The following CMYA5 variants were observed in gnomAD, a reference collection of about 807,000 sequenced individuals.
CMYA5 encodes the protein cardiomyopathy associated 5.
Under a neutral mutation model 318.9 loss-of-function variants are expected in CMYA5, and 246 were observed. That is an observed-to-expected ratio of 0.77 (90% CI 0.70 to 0.86). The LOEUF (loss-of-function observed/expected upper bound fraction) is 0.86, where lower values mean the gene tolerates loss of function less well. Ranked by LOEUF, CMYA5 falls within the 40% of genes least tolerant of loss-of-function variation. The probability of loss-of-function intolerance (pLI) is 0.00; values close to 1 mark genes in which losing one functional copy is unlikely to be tolerated. For synonymous variants in CMYA5, 1,641 were observed against 1,729.5 expected, an observed-to-expected ratio of 0.95 and a Z score of 1.27; for missense variants, 4,589 against 4,678.2, an observed-to-expected ratio of 0.98 and a Z score of 0.56.
In CMYA5 at chr5:79,731,554, C is replaced by T. The variant is rs766224872; in HGVS notation, c.2789C>T (p.Ser930Leu). Residue 930 changes from serine to leucine, a missense_variant, in exon 2 of 13, where the codon TCA becomes TTA. Physicochemically the swap from Ser to Leu is moderately radical, Grantham distance 145. Transcript: ENST00000446378. ...HRSLNLKGAS[S>L]PMNLSEEDQE... ...TCTCTAAATCTAAAAGGTGCATCCT[C>T]ACCCATGAATTTATCAGAAGAAGAT... The T allele has an allele frequency of 3.7e-5, 59 of 1,608,364 alleles. No individual in the cohort carries two copies. Among genetic ancestry groups the T allele is most frequent in the Non-Finnish European group, 4.9e-5 (58 of 1,177,402 alleles).
In CMYA5 at chr5:79,736,501, C is replaced by T; in HGVS notation, c.7736C>T (p.Ser2579Phe). 1 of 1,612,574 alleles carries T rather than the reference C, an allele frequency of 6.2e-7. No individual in the cohort carries two copies. Among genetic ancestry groups the T allele is most frequent in the Non-Finnish European group, 8.5e-7 (1 of 1,179,228 alleles). ...SRESDISLGH[S>F]LGETQSFSLV... ...GAATCAGATATCTCTTTAGGTCATT[C>T]TTTGGGTGAAACTCAATCATTTTCA... The change falls in exon 2 of 13, where the codon TCT becomes TTT. Residue 2579 changes from serine to phenylalanine, a missense_variant. By Grantham distance (155) the Ser-to-Phe change is radical. Transcript: ENST00000446378.
intron 1 of CMYA5, among the ~76,000 whole-genome samples, chr5:79,697,583 T>C (rs1293732184): frequency 2.0e-5 from 3 of 152,218 alleles, no homozygotes; most frequent in African/African-American, 2.4e-5. Flanking sequence ...CTCTCTGATA[T>C]AGGCATTGTT....
intron 9 of CMYA5, among the ~76,000 whole-genome samples, chr5:79,787,488 T>C (rs1353078515): frequency 1.3e-5 from 2 of 152,242 alleles, no homozygotes; most frequent in Non-Finnish European, 2.9e-5. Context: ...TTCTCAATCA[T>C]AGGACATGGT....
intron 1 of CMYA5, among the ~76,000 whole-genome samples, chr5:79,696,632 A>G (rs916425658): frequency 5.3e-5 from 8 of 152,338 alleles, no homozygotes; most frequent in African/African-American, 1.9e-4. Flanking sequence ...ATTCACTGCA[A>G]ATTTCCTCCT....
chr5:79,723,303 G>C (rs1049097486), intron 1 of CMYA5, among the ~76,000 whole-genome samples: 4 of 152,108 alleles, frequency 2.6e-5, no homozygotes, highest in Admixed American at 6.5e-5. Flanking sequence ...GCCGGGAGCA[G>C]TGGCAGGCAC....
At chr5:79,746,418 GCTT>G (rs893735845) in intron 4 of CMYA5, among the ~76,000 whole-genome samples, 2 of 152,064 alleles carry the variant, frequency 1.3e-5, no homozygotes, top group African/African-American at 4.8e-5. Context: ...TTAAGGCAAA[GCTT>G]CTTATTCATA....
chr5:79,736,844 T>C lies in CMYA5; in HGVS notation c.8079T>C (p.Thr2693=), dbSNP rs773268544. Residue 2693 remains threonine, a synonymous_variant, in exon 2 of 13, where the codon ACT becomes ACC. Coordinates refer to ENST00000446378, the MANE Select transcript of CMYA5 (RefSeq NM_153610.5). ...KGGSVDITKE[T]VKQGFQEKAV... ...GTTCAGTAGATATCACAAAAGAAAC[T>C]GTGAAACAAGGATTTCAAGAAAAGG... 1.3e-5 allele frequency: 21 copies of C among 1,611,018 alleles called. 1 individual carries two copies. In the Middle Eastern group the frequency reaches 1.6e-3, roughly 126 times the overall value.
chr5:79,706,558 A>G (rs763228170), intron 1 of CMYA5, among the ~76,000 whole-genome samples: 3 of 152,216 alleles, frequency 2.0e-5, no homozygotes. Flanking sequence ...CAGGGCGTTT[A>G]TAGCCCTATC....
At chr5:79,745,558 G>C (rs1013315889) in intron 4 of CMYA5, 103 bp downstream of exon 4, 1 of 772,026 alleles carries the variant, frequency 1.3e-6, no homozygotes, top group African/African-American at 1.8e-5. Context: ...TTATATCTCT[G>C]TGTGGGATTT....
chr5:79,740,792 C>T (rs1428225170), intron 2 of CMYA5, among the ~76,000 whole-genome samples: 1 of 152,164 alleles, frequency 6.6e-6, no homozygotes, highest in Non-Finnish European at 1.5e-5. Flanking sequence ...CTCCATAGGG[C>T]AGCTGGAATT....
chr5:79,762,840 C>T (rs7723919), intron 8 of CMYA5: 23,622 of 501,484 alleles, frequency 0.047, 1,723 homozygotes, highest in African/African-American at 0.24. Context: ...CTATTAGGGG[C>T]TGTTTGGGGA....
intron 6 of CMYA5, 106 bp from the exon 7 acceptor site, chr5:79,758,647 A>G: frequency 1.5e-6 from 1 of 648,144 alleles, no homozygotes; most frequent in Non-Finnish European, 2.2e-6. Flanking sequence ...CTTTTATACT[A>G]TGTATTTCTG....
intron 1 of CMYA5, among the ~76,000 whole-genome samples, chr5:79,694,431 G>A (rs1320901194): frequency 6.6e-6 from 1 of 152,202 alleles, no homozygotes; most frequent in East Asian, 1.9e-4. Context: ...ACCAGTGAAA[G>A]CCAACTCTTT....
chr5:79,736,713 T>C lies in CMYA5; in HGVS notation c.7948T>C (p.Ser2650Pro), dbSNP rs747328529. The change falls in exon 2 of 13, where the codon TCT (serine) becomes CCT (proline). Residue 2650 changes from serine to proline, a missense_variant. Ser to Pro is a moderately conservative substitution (Grantham distance 74, BLOSUM62 -1). This residue lies in a region of CMYA5 where 2,431 missense variants were observed against 2,495.1 expected (regional missense o/e 0.97). Transcript: ENST00000446378. ...TTGTCGTGATGAAATAGAGAACCAC[T>C]CTTTATCTCAGGAAGGAAATCTAGT... is the stretch of plus-strand genomic sequence containing the variant. The part of the protein sequence containing the change: ...LSCRDEIENH[S>P]LSQEGNLVLE... 7 of 1,613,220 alleles carry C rather than the reference T, an allele frequency of 4.3e-6. No individual in the cohort carries two copies. In the South Asian group the frequency reaches 7.7e-5, roughly 18 times the overall value.
intron 1 of CMYA5, among the ~76,000 whole-genome samples, chr5:79,721,254 T>TGAG (rs1473962044): frequency 6.6e-6 from 1 of 151,904 alleles, no homozygotes; most frequent in Non-Finnish European, 1.5e-5. Flanking sequence ...GAAGCTAAGG[T>TGAG]GAGAGAATTG....
chr5:79,741,544 G>T (rs1271615887), intron 2 of CMYA5, among the ~76,000 whole-genome samples: 1 of 152,068 alleles, frequency 6.6e-6, no homozygotes, highest in Non-Finnish European at 1.5e-5. Flanking sequence ...GTTCTCCAGG[G>T]TATAGTTTTG....
chr5:79,738,826 A>G lies in CMYA5; in HGVS notation c.10061A>G (p.Glu3354Gly). Reference sequence around the variant, plus strand: ...CATCATGTTCTGGAGCGTGCAGATGAAGCAGGCAGTCACGGTAATGAAGTC... The same window carrying G: ...CATCATGTTCTGGAGCGTGCAGATGGAGCAGGCAGTCACGGTAATGAAGTC... Reference protein sequence around the residue: ...DTHHVLERADEAGSHGNEVGN... With the variant: ...DTHHVLERADGAGSHGNEVGN... The change falls in exon 2 of 13, where the codon GAA (glutamate) becomes GGA (glycine). Residue 3354 changes from glutamate (E) to glycine (G), a missense_variant. Physicochemically the swap from Glu to Gly is moderately conservative, Grantham distance 98. Coordinates refer to ENST00000446378, the MANE Select transcript of CMYA5 (RefSeq NM_153610.5). 1 of 1,613,886 alleles carries G rather than the reference A, an allele frequency of 6.2e-7. No homozygotes were observed. The highest frequency in any genetic ancestry group is 2.2e-5 in the East Asian group (1 of 44,876).
At chr5:79,690,779 G>T (rs1397636103) in intron 1 of CMYA5, among the ~76,000 whole-genome samples, 2 of 152,124 alleles carry the variant, frequency 1.3e-5, no homozygotes, top group African/African-American at 2.4e-5. Context: ...TGAGTTTTGG[G>T]TTTTTTCCTG....
rs373188852 is a variant in CMYA5 at position 79,730,596 on chromosome 5, C to A, written c.1831C>A (p.Gln611Lys). Residue 611 changes from glutamine (Q) to lysine (K), a missense_variant, in exon 2 of 13, where the codon CAA becomes AAA. Coordinates refer to ENST00000446378, the MANE Select transcript of CMYA5 (RefSeq NM_153610.5). ...PQDLNHELQE[Q>K]EGEPVPPSNV... ...GGATTTGAACCATGAATTACAGGAG[C>A]AAGAAGGTGAGCCAGTTCCCCCATC... is the stretch of plus-strand genomic sequence containing the variant. 2.6e-5 allele frequency: 42 copies of A among 1,614,020 alleles called. No homozygotes were observed. The South Asian group carries it at 4.0e-4, about 15-fold the overall frequency.
Sources: allele counts gnomAD v4.1 joint callset (sites outside exome capture counted in the v4.1 genomes callset), GRCh38; gene constraint gnomAD v4.1.1; regional missense constraint gnomAD v4.1.1; transcripts MANE v1.5; gene names NCBI Gene and HGNC (gene_info 2026-07-23, HGNC 2026-07-21).